Variants in PRKG1 observed in about 807,000 individuals in gnomAD.
PRKG1 encodes the protein protein kinase cGMP-dependent 1.
Under a neutral mutation model 88.1 loss-of-function variants are expected in PRKG1, and 35 were observed. The ratio of observed to expected loss-of-function variants is 0.40; its 90% CI spans 0.30 to 0.53. The LOEUF is 0.53. Ranked by LOEUF, PRKG1 falls within the 20% of genes least tolerant of loss-of-function variation. PRKG1 has a pLI of 0.59. For missense variants in PRKG1, 540 were observed against 839.8 expected (o/e 0.64, Z 4.41); for synonymous variants, 303 against 292.5 (o/e 1.04, Z -0.37).
At chr10:51,221,885 T>TC (rs1258678461) in intron 2 of PRKG1, among the ~76,000 whole-genome samples, 1 of 148,784 alleles carries the variant, frequency 6.7e-6, no homozygotes, top group African/African-American at 2.5e-5. Context: ...TCTTTTTTTT[T>TC]TTTTTTTTGA....
intron 3 of PRKG1, among the ~76,000 whole-genome samples, chr10:51,623,974 C>G (rs572819366): frequency 6.6e-6 from 1 of 152,248 alleles, no homozygotes; most frequent in East Asian, 1.9e-4. Context: ...CTCCACAACC[C>G]CTGGGGCCAA....
chr10:52,044,316 A>T (rs1165121499), intron 5 of PRKG1, among the ~76,000 whole-genome samples: 2 of 152,164 alleles, frequency 1.3e-5, no homozygotes, highest in Non-Finnish European at 2.9e-5. Flanking sequence ...AAGATCAGAG[A>T]GCTCAATGAG....
intron 2 of PRKG1, among the ~76,000 whole-genome samples, chr10:51,369,725 A>G (rs1842662150): frequency 6.6e-6 from 1 of 151,970 alleles, no homozygotes. Flanking sequence ...CTGGCCTTAC[A>G]ACTCTCACCA....
At chr10:51,596,080 C>T (rs1379632026) in intron 3 of PRKG1, among the ~76,000 whole-genome samples, 4 of 152,122 alleles carry the variant, frequency 2.6e-5, no homozygotes, top group Non-Finnish European at 4.4e-5. Flanking sequence ...CCACCTGCCT[C>T]GGCCTCCCAA....
chr10:51,016,497 ACTT>A (rs1313402310), intron 1 of PRKG1, among the ~76,000 whole-genome samples: 1 of 151,880 alleles, frequency 6.6e-6, no homozygotes, highest in Non-Finnish European at 1.5e-5. Flanking sequence ...TTCCTTTTCT[ACTT>A]CTTCTGAATA....
intron 9 of PRKG1, among the ~76,000 whole-genome samples, chr10:52,211,940 C>G (rs183355733): frequency 6.6e-6 from 1 of 152,082 alleles, no homozygotes; most frequent in African/African-American, 2.4e-5. Context: ...GAATTCAATA[C>G]CACTTACCTG....
chr10:51,778,950 G>T (rs1374297860), intron 3 of PRKG1, among the ~76,000 whole-genome samples: 1 of 152,116 alleles, frequency 6.6e-6, no homozygotes, highest in Admixed American at 6.6e-5. Flanking sequence ...TTTTTGAAAA[G>T]AATATGAAAA....
intron 2 of PRKG1, among the ~76,000 whole-genome samples, chr10:51,369,483 A>T (rs903286887): frequency 2.0e-5 from 3 of 152,040 alleles, no homozygotes; most frequent in South Asian, 4.2e-4. Flanking sequence ...TATAGTAGGG[A>T]GTATCTCATC....
At chr10:51,557,285 A>G (rs1837337080) in intron 3 of PRKG1, among the ~76,000 whole-genome samples, 1 of 152,030 alleles carries the variant, frequency 6.6e-6, no homozygotes, top group Admixed American at 6.6e-5. Flanking sequence ...TGAGTCAGAA[A>G]GAATCCTTAT....
At chr10:51,202,043 G>A (rs1837925638) in intron 2 of PRKG1, among the ~76,000 whole-genome samples, 1 of 152,158 alleles carries the variant, frequency 6.6e-6, no homozygotes, top group South Asian at 2.1e-4. Context: ...GGTGTTATGA[G>A]GGATTCTGTA....
intron 9 of PRKG1, among the ~76,000 whole-genome samples, chr10:52,204,090 T>G (rs749355718): frequency 1.6e-5 from 1 of 62,890 alleles, no homozygotes; most frequent in Non-Finnish European, 5.0e-5. Flanking sequence ...TTATTATTAT[T>G]ATTATTATTA....
intron 9 of PRKG1, among the ~76,000 whole-genome samples, chr10:52,223,349 A>G (rs1367952309): frequency 6.6e-6 from 1 of 152,116 alleles, no homozygotes; most frequent in Non-Finnish European, 1.5e-5. Flanking sequence ...ATCTGTAATT[A>G]TTGACACAGT....
chr10:51,846,101 A>G (rs1840391562), intron 4 of PRKG1, among the ~76,000 whole-genome samples: 1 of 152,130 alleles, frequency 6.6e-6, no homozygotes, highest in Admixed American at 6.6e-5. Flanking sequence ...ACCCAAACAG[A>G]TGTTTAGATG....
chr10:51,186,954 T>TTTTTTATA (rs1318166640), intron 2 of PRKG1, among the ~76,000 whole-genome samples: 1 of 131,262 alleles, frequency 7.6e-6, no homozygotes, highest in Non-Finnish European at 1.6e-5. Flanking sequence ...AGGCCCTGTG[T>TTTTTTATA]TATATATATA....
chr10:51,437,141 A>G (rs1838956278), intron 2 of PRKG1, among the ~76,000 whole-genome samples: 2 of 151,930 alleles, frequency 1.3e-5, no homozygotes, highest in Admixed American at 6.6e-5. Flanking sequence ...TAACTAGGAG[A>G]GATAATTTTT....
intron 3 of PRKG1, among the ~76,000 whole-genome samples, chr10:51,709,962 A>G (rs10999019): frequency 0.14 from 21,680 of 152,204 alleles, 2,548 homozygotes; most frequent in African/African-American, 0.32. Flanking sequence ...TAGGATACTC[A>G]TTATTCAACT....
intron 2 of PRKG1, among the ~76,000 whole-genome samples, chr10:51,159,743 A>G (rs1846314074): frequency 6.6e-6 from 1 of 152,178 alleles, no homozygotes; most frequent in South Asian, 2.1e-4. Context: ...TGTATTTAAA[A>G]TAATTGATAA....
At chr10:51,762,196 G>C (rs77382063) in intron 3 of PRKG1, among the ~76,000 whole-genome samples, 1,889 of 152,240 alleles carry the variant, frequency 0.012, 25 homozygotes, top group Non-Finnish European at 0.023. Flanking sequence ...GAATAAGGAG[G>C]CATACTTAAT....
At chr10:51,316,170 T>C (rs1841311825) in intron 2 of PRKG1, among the ~76,000 whole-genome samples, 1 of 152,210 alleles carries the variant, frequency 6.6e-6, no homozygotes, top group African/African-American at 2.4e-5. Flanking sequence ...AGATTCTCTT[T>C]AAGAATTTTA....
Sources: gnomAD v4.1 joint callset for allele counts (sites outside exome capture counted in the v4.1 genomes callset) on GRCh38, gnomAD v4.1.1 for gene constraint, MANE v1.5 for transcripts, NCBI Gene and HGNC (gene_info 2026-07-23, HGNC 2026-07-21) for gene names.